Variants in RABGAP1L observed in about 807,000 individuals in gnomAD.
The protein encoded by RABGAP1L is RAB GTPase activating protein 1 like, also known as rab GTPase-activating protein 1-like.
A neutral mutation model predicts 137.7 loss-of-function variants in RABGAP1L; 63 were observed. The observed-to-expected ratio is 0.46, with a 90% confidence interval of 0.37 to 0.56. RABGAP1L has a LOEUF of 0.56. Ranked by LOEUF, RABGAP1L falls within the 20% of genes least tolerant of loss-of-function variation. The probability of loss-of-function intolerance (pLI) is 0.00; values close to 1 mark genes in which losing one functional copy is unlikely to be tolerated. For missense variants in RABGAP1L, 1,095 were observed against 1,244.0 expected, an observed-to-expected ratio of 0.88 and a Z score of 1.80; for synonymous variants, 431 against 433.7, an observed-to-expected ratio of 0.99 and a Z score of 0.08.
At chr1:174,875,798 G>T in intron 19 of RABGAP1L, 3 of 782,202 alleles carry the variant, frequency 3.8e-6, no homozygotes, top group Non-Finnish European at 4.7e-6. Context: ...CAGGATAAAT[G>T]TGCAGGAAAA....
chr1:174,222,312 C>T (rs374144573), intron 3 of RABGAP1L, among the ~76,000 whole-genome samples: 6 of 152,154 alleles, frequency 3.9e-5, no homozygotes, highest in African/African-American at 9.7e-5. Flanking sequence ...TTAGGAAACT[C>T]GTGATTCATT....
intron 19 of RABGAP1L, among the ~76,000 whole-genome samples, chr1:174,933,265 G>A (rs1048791249): frequency 6.6e-6 from 1 of 152,092 alleles, no homozygotes; most frequent in African/African-American, 2.4e-5. Flanking sequence ...TTGCCAAGTA[G>A]CCACCTCTTT....
intron 10 of RABGAP1L, among the ~76,000 whole-genome samples, chr1:174,283,719 C>G (rs1426519317): frequency 2.0e-5 from 3 of 152,124 alleles, no homozygotes; most frequent in Non-Finnish European, 2.9e-5. Flanking sequence ...GTTGGCCAAG[C>G]TGGTCTTGAA....
At chr1:174,921,249 C>T (rs181533682) in intron 19 of RABGAP1L, among the ~76,000 whole-genome samples, 1 of 152,240 alleles carries the variant, frequency 6.6e-6, no homozygotes, top group East Asian at 1.9e-4. Flanking sequence ...GTTATGGCAG[C>T]CCTAGCGAAC....
chr1:174,942,602 A>G (rs899178983), intron 19 of RABGAP1L, among the ~76,000 whole-genome samples: 1 of 152,228 alleles, frequency 6.6e-6, no homozygotes, highest in Non-Finnish European at 1.5e-5. Flanking sequence ...CTGTAAAATG[A>G]AGATGATAGA....
intron 18 of RABGAP1L, among the ~76,000 whole-genome samples, chr1:174,783,166 C>T (rs551428775): frequency 3.3e-5 from 5 of 152,284 alleles, no homozygotes; most frequent in Admixed American, 1.3e-4. Context: ...TCTAGTGAGG[C>T]GCCCATTGCC....
intron 13 of RABGAP1L, among the ~76,000 whole-genome samples, chr1:174,528,610 C>T (rs540887850): frequency 6.6e-6 from 1 of 150,508 alleles, no homozygotes; most frequent in East Asian, 1.9e-4. Context: ...ATTATAGGTG[C>T]CGAAACACTT....
At chr1:174,454,365 A>G (rs923442050) in intron 13 of RABGAP1L, among the ~76,000 whole-genome samples, 2 of 152,070 alleles carry the variant, frequency 1.3e-5, no homozygotes, top group Non-Finnish European at 2.9e-5. Flanking sequence ...ATGTCTCAAT[A>G]TTGTCTTATA....
At chr1:174,195,547 A>G (rs973573419) in intron 1 of RABGAP1L, among the ~76,000 whole-genome samples, 1 of 151,096 alleles carries the variant, frequency 6.6e-6, no homozygotes, top group South Asian at 2.1e-4. Flanking sequence ...TTATGATACT[A>G]GTAACTTTGG....
intron 17 of RABGAP1L, among the ~76,000 whole-genome samples, chr1:174,738,007 C>G (rs1683094998): frequency 6.6e-6 from 1 of 152,178 alleles, no homozygotes; most frequent in East Asian, 1.9e-4. Context: ...CCAGGTCCCC[C>G]CTTCAATGTT....
chr1:174,694,112 A>G (rs1195574351), intron 15 of RABGAP1L, among the ~76,000 whole-genome samples: 2 of 152,216 alleles, frequency 1.3e-5, no homozygotes, highest in Non-Finnish European at 2.9e-5. Context: ...TACTAAAATC[A>G]TCTACTTCAG....
intron 1 of RABGAP1L, among the ~76,000 whole-genome samples, chr1:174,161,933 A>G (rs1664495857): frequency 6.6e-6 from 1 of 151,576 alleles, no homozygotes; most frequent in African/African-American, 2.4e-5. Context: ...GGGTCTCACC[A>G]TGTTGCTCAG....
intron 9 of RABGAP1L, 92 bp downstream of exon 9, chr1:174,276,027 CA>C: frequency 1.1e-6 from 1 of 878,598 alleles, no homozygotes; most frequent in African/African-American, 1.7e-5. Flanking sequence ...ATTTGGAACT[CA>C]AAGTGGACTT....
At chr1:174,723,980 G>A (rs1043680633) in intron 17 of RABGAP1L, among the ~76,000 whole-genome samples, 1 of 152,188 alleles carries the variant, frequency 6.6e-6, no homozygotes, top group Non-Finnish European at 1.5e-5. Context: ...TGGCATATGT[G>A]CATTAAAAAT....
chr1:174,363,106 A>G (rs1246850507), intron 11 of RABGAP1L, among the ~76,000 whole-genome samples: 1 of 152,024 alleles, frequency 6.6e-6, no homozygotes, highest in South Asian at 2.1e-4. Flanking sequence ...GTGTGGTCTT[A>G]TTCTTGGGTT....
intron 14 of RABGAP1L, among the ~76,000 whole-genome samples, chr1:174,673,700 A>T (rs911322891): frequency 6.6e-6 from 1 of 152,184 alleles, no homozygotes; most frequent in Non-Finnish European, 1.5e-5. Context: ...GGGAATTTGG[A>T]GTAATATTGT....
intron 4 of RABGAP1L, among the ~76,000 whole-genome samples, chr1:174,233,435 T>TC (rs2148515821): frequency 9.3e-6 from 1 of 107,720 alleles, no homozygotes; most frequent in South Asian, 3.1e-4. Context: ...CCCACAACAG[T>TC]CCCCAGAGTG....
chr1:174,863,680 A>G (rs1573561291), intron 19 of RABGAP1L, among the ~76,000 whole-genome samples: 1 of 146,964 alleles, frequency 6.8e-6, no homozygotes, highest in African/African-American at 2.5e-5. Flanking sequence ...CTTAAAAAAA[A>G]AAAAAAAGGA....
At chr1:174,874,334 A>G (rs1192602560) in intron 19 of RABGAP1L, 1 of 283,244 alleles carries the variant, frequency 3.5e-6, no homozygotes, top group East Asian at 1.7e-4. Flanking sequence ...GAAACCAGGA[A>G]TCTATTCTCT....
Sources: gnomAD v4.1 joint callset for allele counts (sites outside exome capture counted in the v4.1 genomes callset) on GRCh38, gnomAD v4.1.1 for gene constraint, MANE v1.5 for transcripts, NCBI Gene and HGNC (gene_info 2026-07-23, HGNC 2026-07-21) for gene names.